The following MITF variants were observed in gnomAD, a reference collection of about 807,000 sequenced individuals.
MITF encodes melanocyte inducing transcription factor, also known as microphthalmia-associated transcription factor.
A neutral mutation model predicts 60.5 loss-of-function variants in MITF; 17 were observed. That is an observed-to-expected ratio of 0.28 (90% confidence interval 0.19 to 0.42). The LOEUF is 0.42. MITF is among the 10% of genes least tolerant of loss of function. The probability of loss-of-function intolerance (pLI) is 1.00; values close to 1 mark genes in which losing one functional copy is unlikely to be tolerated. For synonymous variants in MITF, 260 were observed against 248.5 expected, an observed-to-expected ratio of 1.05 and a Z score of -0.43; for missense variants, 622 against 683.5, an observed-to-expected ratio of 0.91 and a Z score of 1.00.
intron 1 of MITF, among the ~76,000 whole-genome samples, chr3:69,869,310 C>T (rs899002935): frequency 2.0e-5 from 3 of 152,274 alleles, no homozygotes; most frequent in African/African-American, 7.2e-5. Context: ...CAGTTTCATC[C>T]CTGAGTCTGG....
intron 1 of MITF, among the ~76,000 whole-genome samples, chr3:69,871,658 G>C (rs2064239929): frequency 6.6e-6 from 1 of 152,214 alleles, no homozygotes; most frequent in South Asian, 2.1e-4. Flanking sequence ...ACGTGTGCTA[G>C]ACATGCAGTA....
intron 9 of MITF, among the ~76,000 whole-genome samples, chr3:69,959,926 CAGTGCTAT>C (rs1406472329): frequency 6.6e-6 from 1 of 152,182 alleles, no homozygotes; most frequent in Non-Finnish European, 1.5e-5. Flanking sequence ...GCATGAGCTA[CAGTGCTAT>C]TGGCTGTGAG....
At chr3:69,951,419 A>G (rs1377103636) in intron 6 of MITF, among the ~76,000 whole-genome samples, 1 of 152,110 alleles carries the variant, frequency 6.6e-6, no homozygotes, top group African/African-American at 2.4e-5. Flanking sequence ...ACAGGCATCA[A>G]AAAAGGATTG....
intron 1 of MITF, among the ~76,000 whole-genome samples, chr3:69,746,668 G>T (rs1300288076): frequency 6.6e-6 from 1 of 152,156 alleles, no homozygotes; most frequent in Non-Finnish European, 1.5e-5. Flanking sequence ...ATTAAATGCA[G>T]CCACCACAAG....
intron 1 of MITF, among the ~76,000 whole-genome samples, chr3:69,768,693 A>C (rs1323765554): frequency 6.6e-6 from 1 of 152,188 alleles, no homozygotes; most frequent in Non-Finnish European, 1.5e-5. Flanking sequence ...CTTATTTTAA[A>C]GTGATGTTTT....
chr3:69,901,558 G>C (rs1187642111), intron 2 of MITF, among the ~76,000 whole-genome samples: 1 of 152,020 alleles, frequency 6.6e-6, no homozygotes, highest in African/African-American at 2.4e-5. Context: ...AGTGACTAGA[G>C]TCTGAGCCCA....
At chr3:69,771,236 C>T (rs774928990) in intron 1 of MITF, among the ~76,000 whole-genome samples, 9 of 139,250 alleles carry the variant, frequency 6.5e-5, no homozygotes, top group African/African-American at 1.0e-4. Flanking sequence ...AAAGTTACTC[C>T]GTTTAAACAT....
intron 1 of MITF, among the ~76,000 whole-genome samples, chr3:69,827,494 G>A (rs2116001): frequency 0.5 from 76,181 of 151,966 alleles, 20,796 homozygotes; most frequent in Non-Finnish European, 0.63. Context: ...ACCACAGAGT[G>A]GCTCTTAGAA....
chr3:69,895,299 A>G (rs950295614), intron 2 of MITF, among the ~76,000 whole-genome samples: 12 of 152,238 alleles, frequency 7.9e-5, no homozygotes, highest in Non-Finnish European at 1.3e-4. Flanking sequence ...GAGGGTGGCA[A>G]CAGGTGAGTT....
At chr3:69,891,855 T>C (rs2064766754) in intron 2 of MITF, among the ~76,000 whole-genome samples, 1 of 152,208 alleles carries the variant, frequency 6.6e-6, no homozygotes, top group African/African-American at 2.4e-5. Flanking sequence ...CTATTTAGGG[T>C]ATCTTGTACA....
intron 1 of MITF, among the ~76,000 whole-genome samples, chr3:69,863,526 C>T (rs528402623): frequency 6.4e-4 from 97 of 152,178 alleles, no homozygotes; most frequent in African/African-American, 2.1e-3. Flanking sequence ...ATGTCCCCTT[C>T]GGGAAGGGCT....
In MITF at chr3:69,805,267, A is replaced by T. The variant is rs1451376520; in HGVS notation, c.104+65566A>T. Among the ~76,000 whole-genome samples, 8 of 152,324 alleles carry T rather than the reference A, an allele frequency of 5.3e-5. No homozygotes were observed. In the East Asian group the frequency reaches 1.5e-3, roughly 29 times the overall value. ...GTTGGAAGGAAACTAGAATTTAAAA[A>T]TAACTAATATTTTGATGACCATTTA... On this transcript the variant is annotated intron_variant, in intron 1 of 9. Transcript: ENST00000352241.
At chr3:69,814,680 G>T (rs921210690) in intron 1 of MITF, among the ~76,000 whole-genome samples, 15 of 152,050 alleles carry the variant, frequency 9.9e-5, no homozygotes, top group African/African-American at 3.4e-4. Context: ...GTGTCTGTGT[G>T]TGTAGTCTGA....
At chr3:69,923,548 T>C (rs1256920529) in intron 2 of MITF, among the ~76,000 whole-genome samples, 2 of 152,208 alleles carry the variant, frequency 1.3e-5, no homozygotes, top group East Asian at 3.9e-4. Context: ...TTTCACCATG[T>C]TGGCCTGAAG....
chr3:69,950,453 T>C (rs902609385), intron 6 of MITF, among the ~76,000 whole-genome samples: 1 of 116,214 alleles, frequency 8.6e-6, no homozygotes, highest in African/African-American at 3.3e-5. Flanking sequence ...CTGAGTTATA[T>C]ATATATATAT....
At chr3:69,851,312 C>A (rs559917124) in intron 1 of MITF, among the ~76,000 whole-genome samples, 5 of 152,124 alleles carry the variant, frequency 3.3e-5, no homozygotes, top group Admixed American at 2.6e-4. Context: ...GTAATTGTGA[C>A]CTTGGCTCAG....
At chr3:69,757,174 G>A (rs576307231) in intron 1 of MITF, among the ~76,000 whole-genome samples, 10 of 152,010 alleles carry the variant, frequency 6.6e-5, no homozygotes, top group Admixed American at 5.9e-4. Context: ...TGTGTGCATA[G>A]GAATGAGATT....
intron 1 of MITF, among the ~76,000 whole-genome samples, chr3:69,875,687 C>T (rs1268098553): frequency 6.6e-6 from 1 of 152,240 alleles, no homozygotes; most frequent in African/African-American, 2.4e-5. Flanking sequence ...AATGTTCTCA[C>T]ATAAACCTCA....
intron 1 of MITF, among the ~76,000 whole-genome samples, chr3:69,849,895 G>A (rs1242653660): frequency 6.6e-6 from 1 of 151,978 alleles, no homozygotes; most frequent in Admixed American, 6.6e-5. Context: ...TCTCTCCTTC[G>A]AATTCTCATA....
Sources: allele counts gnomAD v4.1 joint callset (sites outside exome capture counted in the v4.1 genomes callset), GRCh38; gene constraint gnomAD v4.1.1; transcripts MANE v1.5; gene names NCBI Gene and HGNC (gene_info 2026-07-23, HGNC 2026-07-21).